Variants in DCC observed in about 807,000 individuals in gnomAD.
The protein encoded by DCC is DCC netrin 1 receptor, also known as netrin receptor DCC.
Under a neutral mutation model 172.5 loss-of-function variants are expected in DCC, and 58 were observed. The observed-to-expected ratio is 0.34, with a 90% CI of 0.27 to 0.42. The LOEUF (loss-of-function observed/expected upper bound fraction) is 0.42. Ranked by LOEUF, DCC falls within the 10% of genes least tolerant of loss-of-function variation. The probability of loss-of-function intolerance (pLI) is 1.00; values close to 1 mark genes in which losing one functional copy is unlikely to be tolerated. For synonymous variants in DCC, 709 were observed against 644.5 expected (o/e 1.10, Z -1.52); for missense variants, 1,740 against 1,791.0 (o/e 0.97, Z 0.51).
intron 5 of DCC, among the ~76,000 whole-genome samples, chr18:52,962,136 C>T (rs1256493362): frequency 6.7e-6 from 1 of 150,158 alleles, no homozygotes; most frequent in Non-Finnish European, 1.5e-5. Flanking sequence ...AGAGCTTCTG[C>T]ACAGCAAAAG....
At chr18:52,425,642 T>C (rs542170151) in intron 1 of DCC, among the ~76,000 whole-genome samples, 1 of 152,276 alleles carries the variant, frequency 6.6e-6, no homozygotes, top group East Asian at 1.9e-4. Flanking sequence ...CAGCAGGGTT[T>C]CGTAGGCCTT....
intron 8 of DCC, among the ~76,000 whole-genome samples, chr18:53,172,235 C>T (rs935733265): frequency 6.6e-6 from 1 of 152,092 alleles, no homozygotes; most frequent in Non-Finnish European, 1.5e-5. Context: ...AAACCAAATA[C>T]TACATGTTCT....
At chr18:52,940,477 C>T (rs555272127) in intron 5 of DCC, among the ~76,000 whole-genome samples, 1 of 152,276 alleles carries the variant, frequency 6.6e-6, no homozygotes, top group Admixed American at 6.5e-5. Flanking sequence ...AGTAGCTCCA[C>T]CATGATTCTA....
intron 14 of DCC, among the ~76,000 whole-genome samples, chr18:53,326,179 A>G (rs1315495426): frequency 6.6e-6 from 1 of 152,208 alleles, no homozygotes; most frequent in Non-Finnish European, 1.5e-5. Context: ...CCTGTGATAT[A>G]CACATAAGCA....
At chr18:53,448,981 A>G (rs1391171076) in intron 22 of DCC, among the ~76,000 whole-genome samples, 7 of 152,242 alleles carry the variant, frequency 4.6e-5, no homozygotes, top group African/African-American at 1.4e-4. Context: ...CCTCCTCTGT[A>G]TCAGGTGCTG....
chr18:52,875,532 A>G (rs1007020616), intron 2 of DCC, among the ~76,000 whole-genome samples: 6 of 152,244 alleles, frequency 3.9e-5, no homozygotes, highest in African/African-American at 1.4e-4. Flanking sequence ...GGTCTCAAGT[A>G]TCATCCCCAA....
At chr18:53,261,874 CT>C (rs1406931926) in intron 12 of DCC, among the ~76,000 whole-genome samples, 2 of 152,096 alleles carry the variant, frequency 1.3e-5, no homozygotes, top group African/African-American at 2.4e-5. Context: ...TTTAGCTAGT[CT>C]TCTTCAGAAA....
chr18:53,080,351 C>T (rs2144133056), intron 7 of DCC, among the ~76,000 whole-genome samples: 1 of 152,184 alleles, frequency 6.6e-6, no homozygotes, highest in African/African-American at 2.4e-5. Context: ...CTTTGAAGGC[C>T]CATGTCTTGA....
chr18:52,957,892 T>G (rs1184879855), intron 5 of DCC, among the ~76,000 whole-genome samples: 1 of 152,196 alleles, frequency 6.6e-6, no homozygotes, highest in Non-Finnish European at 1.5e-5. Flanking sequence ...GGATAGTTAT[T>G]ATCAAGGAAG....
chr18:53,143,388 G>A (rs2043859378), intron 7 of DCC, among the ~76,000 whole-genome samples: 1 of 152,158 alleles, frequency 6.6e-6, no homozygotes, highest in Non-Finnish European at 1.5e-5. Context: ...TGGTTGCCCA[G>A]AAAGAGTTTA....
intron 15 of DCC, among the ~76,000 whole-genome samples, chr18:53,358,530 C>CTTTTTTTTTTTTTTTTTTTTTTTTTTTT: frequency 1.0e-5 from 1 of 95,920 alleles, no homozygotes; most frequent in Non-Finnish European, 1.9e-5. Flanking sequence ...TTCTCTCTCT[C>CTTTTTTTTTTTTTTTTTTTTTTTTTTTT]TTTTTTTTTT....
intron 27 of DCC, among the ~76,000 whole-genome samples, chr18:53,505,486 G>A (rs1736695262): frequency 6.6e-6 from 1 of 151,884 alleles, no homozygotes; most frequent in Non-Finnish European, 1.5e-5. Flanking sequence ...AACTTCTTTT[G>A]GGGAGGGAGT....
intron 9 of DCC, among the ~76,000 whole-genome samples, chr18:53,183,513 C>T (rs187756861): frequency 4.4e-4 from 67 of 152,032 alleles, no homozygotes; most frequent in Non-Finnish European, 6.6e-4. Flanking sequence ...CCTGTTAAGG[C>T]GGTTTAATCA....
chr18:52,524,574 C>T (rs187278515), intron 1 of DCC, among the ~76,000 whole-genome samples: 8 of 152,162 alleles, frequency 5.3e-5, no homozygotes, highest in Middle Eastern at 3.4e-3. Flanking sequence ...ATTTGTAGAG[C>T]GGTTTTAGCT....
At chr18:52,500,048 C>G (rs974407201) in intron 1 of DCC, among the ~76,000 whole-genome samples, 2 of 151,994 alleles carry the variant, frequency 1.3e-5, no homozygotes, top group Non-Finnish European at 1.5e-5. Flanking sequence ...TAGCTAGGAC[C>G]AGGGTCCCTG....
At chr18:53,382,243 G>T (rs1907820193) in intron 15 of DCC, among the ~76,000 whole-genome samples, 1 of 151,966 alleles carries the variant, frequency 6.6e-6, no homozygotes. Flanking sequence ...ATTTTAAATG[G>T]CTCAAGCCTA....
chr18:53,145,660 C>A (rs1427817085), intron 7 of DCC, among the ~76,000 whole-genome samples: 1 of 152,124 alleles, frequency 6.6e-6, no homozygotes, highest in Non-Finnish European at 1.5e-5. Context: ...GATTAAGATG[C>A]AGCTATTACT....
chr18:52,736,187 T>C (rs2145103092), intron 1 of DCC, among the ~76,000 whole-genome samples: 1 of 152,152 alleles, frequency 6.6e-6, no homozygotes, highest in East Asian at 1.9e-4. Flanking sequence ...CTCTGGGTCT[T>C]TGTCCCTACC....
chr18:53,426,386 CATAT>C (rs969830157), intron 21 of DCC, among the ~76,000 whole-genome samples: 2 of 137,292 alleles, frequency 1.5e-5, no homozygotes, highest in Admixed American at 7.7e-5. Flanking sequence ...TGTTATATAT[CATAT>C]ATATTTATGA....
Sources: allele counts gnomAD v4.1 joint callset (sites outside exome capture counted in the v4.1 genomes callset), GRCh38; gene constraint gnomAD v4.1.1; transcripts MANE v1.5; gene names NCBI Gene and HGNC (gene_info 2026-07-23, HGNC 2026-07-21).